Variants in MIR2052HG observed in about 807,000 individuals in gnomAD.
MIR2052HG encodes the protein MIR2052 host gene.
chr8:74,603,387 C>T lies in MIR2052HG; in HGVS notation n.128+3479C>T, dbSNP rs1808054599. ...CAGCAGATCCAGTGATGGTAACCTG[C>T]CTATCAGTAGATCCTTCCACTGGGT... On this transcript the variant is annotated intron_variant and non_coding_transcript_variant, in intron 1 of 6. Coordinates refer to ENST00000523442, the Ensembl canonical transcript of MIR2052HG. 3.1e-6 allele frequency: 5 copies of T among 1,610,826 alleles called. No homozygotes were observed. The East Asian group carries it at 1.1e-4, about 36-fold the overall frequency.
At chr8:74,664,839 G>A (rs1036206047) in intron 2 of MIR2052HG, among the ~76,000 whole-genome samples, 1 of 152,046 alleles carries the variant, frequency 6.6e-6, no homozygotes, top group Non-Finnish European at 1.5e-5. Context: ...TTTGTTCTTT[G>A]CTTCCACTCC....
intron 2 of MIR2052HG, among the ~76,000 whole-genome samples, chr8:74,654,897 G>A (rs913408143): frequency 6.6e-6 from 1 of 152,152 alleles, no homozygotes; most frequent in African/African-American, 2.4e-5. Context: ...GAGACTTGTT[G>A]AATGGCTTTG....
chr8:74,653,056 T>G (rs1808769955), intron 2 of MIR2052HG, among the ~76,000 whole-genome samples: 1 of 152,218 alleles, frequency 6.6e-6, no homozygotes, highest in Admixed American at 6.5e-5. Flanking sequence ...ACCTAAACTT[T>G]TTTTTCCCCC....
At position 74,723,773 on chromosome 8, in the gene MIR2052HG, G is replaced by A. The variant is rs539810386; in HGVS notation, n.371+20091G>A. Among the ~76,000 whole-genome samples the A allele has an allele frequency of 2.0e-4, 30 of 152,314 alleles. No individual in the cohort carries two copies. The South Asian group carries it at 2.1e-3, about 11-fold the overall frequency. On this transcript the variant is annotated intron_variant and non_coding_transcript_variant, in intron 4 of 6. Coordinates refer to ENST00000523442, the Ensembl canonical transcript of MIR2052HG. Reference sequence around the variant, plus strand: ...AGAGTTTGTTTGTTGTGAAGGTAAAGTACACTTACAGTTCTTCATGTAAGT... The same window carrying A: ...AGAGTTTGTTTGTTGTGAAGGTAAAATACACTTACAGTTCTTCATGTAAGT...
chr8:74,635,259 G>A lies in MIR2052HG; in HGVS notation n.216+22319G>A, dbSNP rs59907179. On this transcript the variant is annotated intron_variant and non_coding_transcript_variant, in intron 2 of 6. Transcript: ENST00000523442. ...AAACAGATTTTTTTTTTTTTTTACCGTCAGGAAGGTTTACCTCTAGTGAAT... is the reference window on the plus strand; with the variant it reads ...AAACAGATTTTTTTTTTTTTTTACCATCAGGAAGGTTTACCTCTAGTGAAT... 8.9e-4 allele frequency among the ~76,000 whole-genome samples: 131 copies of A among 147,962 alleles called. 2 individuals are homozygous for A. In the East Asian group the frequency reaches 0.023, roughly 26 times the overall value.
intron 4 of MIR2052HG, among the ~76,000 whole-genome samples, chr8:74,738,105 TTATGTATGTATG>T (rs756618957): frequency 1.4e-5 from 2 of 144,952 alleles, no homozygotes; most frequent in Non-Finnish European, 3.0e-5. Flanking sequence ...TATGTATCTG[TTATGTATGTATG>T]TATGTATGTA....
intron 2 of MIR2052HG, among the ~76,000 whole-genome samples, chr8:74,676,299 T>C (rs910606673): frequency 3.3e-5 from 5 of 152,022 alleles, no homozygotes; most frequent in African/African-American, 9.7e-5. Context: ...ATGTCTGATG[T>C]CTCAGATTGA....
intron 2 of MIR2052HG, among the ~76,000 whole-genome samples, chr8:74,637,135 G>T (rs557857779): frequency 1.3e-5 from 2 of 152,242 alleles, no homozygotes; most frequent in Admixed American, 1.3e-4. Context: ...AATTCAGAAA[G>T]GTTTCATAGA....
intron 2 of MIR2052HG, among the ~76,000 whole-genome samples, chr8:74,675,762 G>A (rs781698470): frequency 3.9e-5 from 6 of 151,920 alleles, no homozygotes; most frequent in Non-Finnish European, 7.4e-5. Context: ...TTTAGGCACA[G>A]TAAAATAGAT....
At chr8:74,665,057 T>G (rs1209953715) in intron 2 of MIR2052HG, among the ~76,000 whole-genome samples, 1 of 152,214 alleles carries the variant, frequency 6.6e-6, no homozygotes, top group African/African-American at 2.4e-5. Context: ...TGTTACAACT[T>G]TCTTTTTCTG....
At chr8:74,749,276 T>C (rs1286221179) in intron 4 of MIR2052HG, among the ~76,000 whole-genome samples, 1 of 152,154 alleles carries the variant, frequency 6.6e-6, no homozygotes, top group Non-Finnish European at 1.5e-5. Flanking sequence ...GTTGATGCTG[T>C]AATTCATTTA....
intron 2 of MIR2052HG, chr8:74,632,597 T>G (rs1032978460): frequency 2.0e-5 from 3 of 152,174 alleles, no homozygotes; most frequent in African/African-American, 7.2e-5. Flanking sequence ...AAATTATAAT[T>G]TGCTGCATAT....
At chr8:74,754,519 G>T (rs1267136298) in intron 5 of MIR2052HG, among the ~76,000 whole-genome samples, 1 of 151,974 alleles carries the variant, frequency 6.6e-6, no homozygotes, top group East Asian at 1.9e-4. Flanking sequence ...TGAGAATTTA[G>T]GGATCATTAT....
chr8:74,689,268 G>A (rs894444213), intron 2 of MIR2052HG, among the ~76,000 whole-genome samples: 2 of 152,092 alleles, frequency 1.3e-5, no homozygotes, highest in African/African-American at 4.8e-5. Context: ...CCAGAAATTG[G>A]AGCTCTTAAG....
chr8:74,730,167 T>C (rs1429095841), intron 4 of MIR2052HG, among the ~76,000 whole-genome samples: 1 of 152,104 alleles, frequency 6.6e-6, no homozygotes, highest in Non-Finnish European at 1.5e-5. Context: ...GAAGATAAGG[T>C]TGTAGTCCCA....
intron 2 of MIR2052HG, among the ~76,000 whole-genome samples, chr8:74,700,292 CATATA>C (rs1809345743): frequency 6.6e-6 from 1 of 152,120 alleles, no homozygotes; most frequent in South Asian, 2.1e-4. Flanking sequence ...CTGCTACAGA[CATATA>C]AGGTATACAT....
At position 74,604,583 on chromosome 8, in the gene MIR2052HG, C is replaced by CTTTTT. The variant is rs35641908; in HGVS notation, n.128+4696_128+4700dup. ...GCTCTGGGCCGGCCTTGTTTCTTTA[C>CTTTTT]TTTTTTTTTTTTTTTTTTTTTTTTT... On this transcript the variant is annotated intron_variant and non_coding_transcript_variant, in intron 1 of 6. Transcript: ENST00000523442. Among the ~76,000 whole-genome samples the CTTTTT allele has an allele frequency of 7.5e-3, 377 of 50,026 alleles. 28 individuals carry two copies. Among genetic ancestry groups the CTTTTT allele is most frequent in the Non-Finnish European group, 9.5e-3 (268 of 28,158 alleles). 32.8% of individuals were successfully genotyped at this position (50,026 alleles called of 152,430 possible). A position where few individuals can be genotyped will look rare whatever the true frequency, so the allele number is the denominator to read the frequency against.
chr8:74,604,990 G>C (rs1203647762), intron 1 of MIR2052HG, among the ~76,000 whole-genome samples: 2 of 152,126 alleles, frequency 1.3e-5, no homozygotes, highest in African/African-American at 4.8e-5. Flanking sequence ...TTAGGGTCTG[G>C]ATCAGAATGG....
intron 4 of MIR2052HG, among the ~76,000 whole-genome samples, chr8:74,736,837 A>C (rs1809748795): frequency 6.6e-6 from 1 of 152,174 alleles, no homozygotes; most frequent in Non-Finnish European, 1.5e-5. Flanking sequence ...CCACTGTCAG[A>C]GGCTGCATAG....
Sources: gnomAD v4.1 joint callset for allele counts (sites outside exome capture counted in the v4.1 genomes callset) on GRCh38, gnomAD v4.1.1 for gene constraint, MANE v1.5 for transcripts, NCBI Gene and HGNC (gene_info 2026-07-23, HGNC 2026-07-21) for gene names.